ADCY6: variants seen among roughly 807,000 people sequenced by gnomAD.
The protein encoded by ADCY6 is adenylate cyclase type 6.
In ADCY6, 59 loss-of-function variants were observed where a neutral mutation model predicts 111.6. The ratio of observed to expected loss-of-function variants is 0.53; its 90% CI spans 0.43 to 0.66. The LOEUF (loss-of-function observed/expected upper bound fraction) is 0.66, where lower values mean the gene tolerates loss of function less well. Ranked by LOEUF, ADCY6 falls within the 30% of genes least tolerant of loss-of-function variation. The probability of loss-of-function intolerance (pLI) is 0.00; values close to 1 mark genes in which losing one functional copy is unlikely to be tolerated. For missense variants in ADCY6, 1,242 were observed against 1,595.6 expected (o/e 0.78, Z 3.78); for synonymous variants, 576 against 642.9 (o/e 0.90, Z 1.57).
chr12:48,768,762 C>T (rs1941442541), intron 21 of ADCY6, 46 bp from the exon 22 acceptor site: 1 of 1,603,558 alleles, frequency 6.2e-7, no homozygotes, highest in African/African-American at 1.3e-5. Context: ...ATCCTTCCTG[C>T]TGCATTTGCA....
chr12:48,774,571 G>A, intron 13 of ADCY6, 53 bp from the exon 14 acceptor site: 1 of 1,586,890 alleles, frequency 6.3e-7, no homozygotes, highest in Non-Finnish European at 8.7e-7. Flanking sequence ...AAGGAGGAAT[G>A]GCAACCAGGG....
intron 2 of ADCY6, among the ~76,000 whole-genome samples, chr12:48,778,598 T>G (rs925457865): frequency 4.6e-5 from 7 of 152,128 alleles, no homozygotes; most frequent in African/African-American, 1.7e-4. Flanking sequence ...CAAACGCTGC[T>G]CCTTTTGCAG....
In ADCY6 at chr12:48,782,446, C is replaced by A; in HGVS notation, c.864+125G>T. Reference sequence around the variant, plus strand: ...TCCTGCTCCTCCTCCCAGATACAGCCAGACATCCCTGCACCCAGCTTCCAC... The same window carrying A: ...TCCTGCTCCTCCTCCCAGATACAGCAAGACATCCCTGCACCCAGCTTCCAC... On this transcript the variant is annotated intron_variant, in intron 2 of 21. Transcript: ENST00000357869. The surrounding 1 kb of genome is among the most constrained non-coding windows in gnomAD (Gnocchi z 4.3). 1 of 1,449,806 alleles carries A rather than the reference C, an allele frequency of 6.9e-7. No individual in the cohort carries two copies. The highest frequency in any genetic ancestry group is 1.5e-5 in the South Asian group (1 of 67,946). 89.8% of individuals were successfully genotyped at this position (1,449,806 alleles called of 1,614,324 possible).
Position 48,776,965 on chromosome 12 carries a change from A to G in ADCY6, c.1376+139T>C. On this transcript the variant is annotated intron_variant, in intron 6 of 21. Transcript: ENST00000357869. This position sits in a 1 kb window ranked among gnomAD's most constrained non-coding sequence, Gnocchi z 6.1. ...GGGTCTTTGCACAGGTTGGAGAAAG[A>G]TTCCCCTTCCCAGTGACAGACAGAC... is the stretch of plus-strand genomic sequence containing the variant. The G allele has an allele frequency of 4.5e-6, 6 of 1,327,180 alleles. No individual in the cohort carries two copies. The highest frequency in any genetic ancestry group is 6.1e-6 in the Non-Finnish European group (6 of 977,998). The allele number at this position is 1,327,180 out of a possible 1,614,324, so 82.2% of individuals were successfully genotyped here. A position where few individuals can be genotyped will look rare whatever the true frequency, so the allele number is the denominator to read the frequency against.
intron 20 of ADCY6, 79 bp from the exon 21 acceptor site, chr12:48,769,140 T>C: frequency 2.2e-6 from 3 of 1,371,474 alleles, no homozygotes; most frequent in Non-Finnish European, 2.9e-6. Context: ...CTGGCACTGG[T>C]AGAAGGACCC....
chr12:48,778,617 CCTT>C (rs1941768193), intron 2 of ADCY6, among the ~76,000 whole-genome samples: 1 of 152,190 alleles, frequency 6.6e-6, no homozygotes, highest in African/African-American at 2.4e-5. Flanking sequence ...AGGTGCTCCT[CCTT>C]AAGGACAGCA....
chr12:48,774,242 G>T (rs1252764967), intron 14 of ADCY6, 144 bp from the exon 15 acceptor site: 6 of 1,073,714 alleles, frequency 5.6e-6, no homozygotes, highest in Middle Eastern at 2.4e-4. Flanking sequence ...ATGACAAGAG[G>T]TTGGGAGAAC....
rs1409269660 is a variant in ADCY6, at chr12:48,776,416, C to A, written c.1535+12G>T. 7 of 1,595,734 alleles carry A rather than the reference C, an allele frequency of 4.4e-6. No homozygotes were observed. Among genetic ancestry groups the A allele is most frequent in the Non-Finnish European group, 6.0e-6 (7 of 1,165,362 alleles). On this transcript the variant is annotated intron_variant, in intron 7 of 21. Coordinates refer to ENST00000357869, the MANE Select transcript of ADCY6 (RefSeq NM_015270.5). The surrounding 1 kb of genome is among the most constrained non-coding windows in gnomAD (Gnocchi z 6.1). ...TTGCCCCCATCCCCCCCACCTGGAC[C>A]CCCCTACTCACCCAGCCCGGCCTCC...
intron 1 of ADCY6, chr12:48,783,827 G>A (rs540979564): frequency 1.1e-4 from 25 of 219,400 alleles, no homozygotes; most frequent in Admixed American, 2.6e-4. Flanking sequence ...GCTCACGTCC[G>A]TAATCCCAGC....
chr12:48,775,940 G>T (rs757884878), intron 9 of ADCY6, 23 bp downstream of exon 9: 2 of 1,585,002 alleles, frequency 1.3e-6, no homozygotes, highest in Non-Finnish European at 1.7e-6. Flanking sequence ...GAGGCCCTAG[G>T]TCTGGTGCTG....
intron 2 of ADCY6, among the ~76,000 whole-genome samples, chr12:48,778,615 C>T (rs1271139969): frequency 1.3e-5 from 2 of 152,216 alleles, no homozygotes; most frequent in Admixed American, 6.5e-5. Flanking sequence ...GCAGGTGCTC[C>T]TCCTTAAGGA....
chr12:48,768,824 C>T, intron 21 of ADCY6, 108 bp from the exon 22 acceptor site: 2 of 1,549,510 alleles, frequency 1.3e-6, no homozygotes, highest in South Asian at 1.2e-5. Flanking sequence ...AGTCCCTGCC[C>T]CACCATACAC....
intron 16 of ADCY6, among the ~76,000 whole-genome samples, 156 bp from the exon 17 acceptor site, chr12:48,772,699 T>C (rs1941583975): frequency 6.6e-6 from 1 of 152,128 alleles, no homozygotes; most frequent in Admixed American, 6.6e-5. Flanking sequence ...TCATTAAGAG[T>C]AGAGGTTAAG....
rs750415828 is a variant in ADCY6, at chr12:48,771,669, A to AC, written c.3051+40dup. On this transcript the variant is annotated intron_variant, in intron 19 of 21. Transcript: ENST00000357869. This position sits in a 1 kb window ranked among gnomAD's most constrained non-coding sequence, Gnocchi z 4.3. ...CCATTCCAATCCCTGGTCTCCAAGT[A>AC]CCCCCCACTCTCTGCCACCACCAGC... The AC allele has an allele frequency of 2.5e-5, 40 of 1,610,202 alleles. No individual in the cohort carries two copies. The highest frequency in any genetic ancestry group is 1.9e-4 in the African/African-American group (14 of 74,358).
At chr12:48,773,330 C>G in intron 16 of ADCY6, 139 bp downstream of exon 16, 1 of 951,176 alleles carries the variant, frequency 1.1e-6, no homozygotes, top group South Asian at 1.7e-5. Flanking sequence ...GCTGGGAGCT[C>G]CTCCATCTCC....
At position 48,776,109 on chromosome 12, in the gene ADCY6, G is replaced by A. The variant is rs773799500; in HGVS notation, c.1678-18C>T. On this transcript the variant is annotated intron_variant, in intron 8 of 21. Transcript: ENST00000357869. This position sits in a 1 kb window ranked among gnomAD's most constrained non-coding sequence, Gnocchi z 6.1. ...TCCTCTTTCTGTGCGGGCAGCATGG[G>A]TACAGGCTCAGAAGAGGGGCCCAGA... 3 of 1,613,870 alleles carry A rather than the reference G, an allele frequency of 1.9e-6. No individual in the cohort carries two copies. The highest frequency in any genetic ancestry group is 8.5e-7 in the Non-Finnish European group (1 of 1,179,882).
chr12:48,773,221 C>A (rs2137346161), intron 16 of ADCY6, among the ~76,000 whole-genome samples: 1 of 152,170 alleles, frequency 6.6e-6, no homozygotes, highest in East Asian at 1.9e-4. Context: ...AAGCACCATG[C>A]AAATGTAAGA....
chr12:48,773,671 T>C (rs764001395), intron 15 of ADCY6, 24 bp from the exon 16 acceptor site: 17 of 1,613,530 alleles, frequency 1.1e-5, no homozygotes, highest in Middle Eastern at 1.6e-4. Flanking sequence ...AGAGGCAGCG[T>C]TGGGTGAAGG....
Position 48,782,770 on chromosome 12 carries a change from A to T in ADCY6, c.665T>A (p.Val222Glu). The T allele has an allele frequency of 6.2e-7, 1 of 1,612,516 alleles. No homozygotes were observed. The highest frequency in any genetic ancestry group is 8.5e-7 in the Non-Finnish European group (1 of 1,179,358). Residue 222 changes from valine (V) to glutamate (E), a missense_variant, in exon 2 of 22, where the codon GTG (valine) becomes GAG (glutamate). Val to Glu is a moderately radical substitution (Grantham distance 121). Around this residue, in one of 4 missense-constraint regions of ADCY6, gnomAD observed 362 missense variants for 377.2 expected, o/e 0.96. Coordinates refer to ENST00000357869, the MANE Select transcript of ADCY6 (RefSeq NM_015270.5). The surrounding 1 kb of genome is among the most constrained non-coding windows in gnomAD (Gnocchi z 4.3). ...TGCTGCGAGAGCGCCCCCGACCTGCACTGCCGCCAGGATGCCCAGCACCAC... is the reference window on the plus strand; with the variant it reads ...TGCTGCGAGAGCGCCCCCGACCTGCTCTGCCGCCAGGATGCCCAGCACCAC... The part of the protein sequence containing the change: ...SYVVLGILAA[V>E]QVGGALAADP...
Sources: allele counts gnomAD v4.1 joint callset (sites outside exome capture counted in the v4.1 genomes callset), GRCh38; gene constraint gnomAD v4.1.1; regional missense constraint gnomAD v4.1.1; non-coding constraint Gnocchi (gnomAD v3.1); transcripts MANE v1.5; gene names NCBI Gene and HGNC (gene_info 2026-07-23, HGNC 2026-07-21).